The following MAP4K4 variants were observed in gnomAD, a reference collection of about 807,000 sequenced individuals.
The protein encoded by MAP4K4 is mitogen-activated protein kinase kinase kinase kinase 4.
A neutral mutation model predicts 189.6 loss-of-function variants in MAP4K4; 38 were observed. That is an observed-to-expected ratio of 0.20 (90% CI 0.15 to 0.26). The LOEUF (loss-of-function observed/expected upper bound fraction) is 0.26. MAP4K4 is among the 10% of genes least tolerant of loss of function. The pLI is 1.00. For synonymous variants in MAP4K4, 610 were observed against 624.3 expected, an observed-to-expected ratio of 0.98 and a Z score of 0.34; for missense variants, 1,054 against 1,726.9, an observed-to-expected ratio of 0.61 and a Z score of 6.91.
At chr2:101,812,929 C>A (rs1382290055) in intron 3 of MAP4K4, among the ~76,000 whole-genome samples, 1 of 152,096 alleles carries the variant, frequency 6.6e-6, no homozygotes, top group Non-Finnish European at 1.5e-5. Flanking sequence ...AGATCGAGAC[C>A]ATCCTGGCTA....
At chr2:101,824,132 G>GGGGGGGGGGGGGGGA in intron 4 of MAP4K4, 79 bp downstream of exon 4, 3 of 56,768 alleles carry the variant, frequency 5.3e-5, no homozygotes, top group South Asian at 5.2e-4. Flanking sequence ...GGGGGCGGGG[G>GGGGGGGGGGGGGGGA]AAAGAGGGGG....
chr2:101,810,554 G>C (rs1290221282), intron 3 of MAP4K4, among the ~76,000 whole-genome samples: 5 of 151,942 alleles, frequency 3.3e-5, no homozygotes, highest in Non-Finnish European at 7.4e-5. Context: ...GTTACTTACT[G>C]TATCCCTCAG....
intron 23 of MAP4K4, 61 bp downstream of exon 23, chr2:101,870,476 C>T: frequency 6.3e-7 from 1 of 1,593,228 alleles, no homozygotes. Flanking sequence ...AACCCACTTG[C>T]TCATTCACTC....
chr2:101,876,701 G>A (rs1029239434), intron 26 of MAP4K4, among the ~76,000 whole-genome samples: 2 of 152,172 alleles, frequency 1.3e-5, no homozygotes, highest in African/African-American at 2.4e-5. Flanking sequence ...TAACATTCTC[G>A]AGGAACTGAG....
At chr2:101,768,121 AAT>A (rs2079496049) in intron 2 of MAP4K4, among the ~76,000 whole-genome samples, 1 of 152,202 alleles carries the variant, frequency 6.6e-6, no homozygotes, top group African/African-American at 2.4e-5. Context: ...CCTCTCTAAG[AAT>A]ATGATTATCT....
intron 2 of MAP4K4, among the ~76,000 whole-genome samples, chr2:101,775,412 C>T (rs529492870): frequency 4.6e-5 from 7 of 151,774 alleles, no homozygotes; most frequent in Non-Finnish European, 1.0e-4. Context: ...GGTGGACTTG[C>T]CAGGAACCCT....
intron 9 of MAP4K4, among the ~76,000 whole-genome samples, 176 bp downstream of exon 9, chr2:101,836,154 T>C (rs1217765138): frequency 6.6e-6 from 1 of 152,200 alleles, no homozygotes; most frequent in Non-Finnish European, 1.5e-5. Flanking sequence ...AGATTTTTCT[T>C]GTTAAATTCT....
intron 3 of MAP4K4, among the ~76,000 whole-genome samples, chr2:101,802,645 A>G (rs541794304): frequency 2.2e-4 from 33 of 151,712 alleles, no homozygotes; most frequent in Non-Finnish European, 3.2e-4. Flanking sequence ...GCCTCTTCCT[A>G]CTCCTAAAGC....
chr2:101,813,675 A>G (rs981942166), intron 3 of MAP4K4, among the ~76,000 whole-genome samples: 3 of 152,192 alleles, frequency 2.0e-5, no homozygotes, highest in African/African-American at 4.8e-5. Context: ...TATGGGACAC[A>G]TTTTTATGAG....
At chr2:101,759,934 C>G (rs1049370406) in intron 2 of MAP4K4, among the ~76,000 whole-genome samples, 1 of 151,562 alleles carries the variant, frequency 6.6e-6, no homozygotes, top group Non-Finnish European at 1.5e-5. Flanking sequence ...GCTTGTGACT[C>G]CTGGGCCCAA....
chr2:101,755,455 C>G (rs1361630590), intron 2 of MAP4K4, among the ~76,000 whole-genome samples: 1 of 152,124 alleles, frequency 6.6e-6, no homozygotes, highest in Non-Finnish European at 1.5e-5. Flanking sequence ...AAGAAAAAAG[C>G]TTTACTGAAA....
chr2:101,828,819 A>C (rs1361360849), intron 5 of MAP4K4, among the ~76,000 whole-genome samples: 1 of 152,208 alleles, frequency 6.6e-6, no homozygotes, highest in East Asian at 1.9e-4. Flanking sequence ...CTTGGACCAT[A>C]TTTGGAGGCA....
intron 3 of MAP4K4, among the ~76,000 whole-genome samples, chr2:101,816,200 G>C (rs1021097433): frequency 2.0e-5 from 3 of 152,122 alleles, no homozygotes; most frequent in African/African-American, 7.2e-5. Flanking sequence ...AAGCGCTTTC[G>C]TATATTTTGG....
At chr2:101,844,677 A>C (rs372938655) in intron 12 of MAP4K4, among the ~76,000 whole-genome samples, 32 of 151,138 alleles carry the variant, frequency 2.1e-4, no homozygotes, top group Non-Finnish European at 3.7e-4. Flanking sequence ...TTGCTTTTCT[A>C]CTCTCAGCCT....
intron 2 of MAP4K4, among the ~76,000 whole-genome samples, chr2:101,770,073 C>T (rs914052346): frequency 4.6e-5 from 7 of 152,158 alleles, no homozygotes; most frequent in African/African-American, 1.7e-4. Flanking sequence ...GATGAGCTCA[C>T]TTCATTCATA....
intron 3 of MAP4K4, among the ~76,000 whole-genome samples, chr2:101,798,170 C>A (rs1452283038): frequency 6.6e-6 from 1 of 151,696 alleles, no homozygotes; most frequent in Admixed American, 6.6e-5. Context: ...GTCTCAGCCT[C>A]CCAAAGTGCT....
At position 101,849,597 on chromosome 2, in the gene MAP4K4, T is replaced by C. The variant is rs902373494; in HGVS notation, c.1233+5286T>C. Among the ~76,000 whole-genome samples the C allele has an allele frequency of 6.9e-5, 10 of 145,844 alleles. No individual in the cohort carries two copies. The Admixed American group carries it at 7.2e-4, about 11-fold the overall frequency. ...AAAAATGAAGCTTACTTAATTGTGGTGTCATTTTATCTCAATAGTTTTGTG... is the reference window on the plus strand; with the variant it reads ...AAAAATGAAGCTTACTTAATTGTGGCGTCATTTTATCTCAATAGTTTTGTG... On this transcript the variant is annotated intron_variant, in intron 12 of 32. Coordinates refer to ENST00000324219, the Ensembl canonical transcript of MAP4K4.
chr2:101,871,592 C>G, exon 24 of MAP4K4: 3 of 1,536,470 alleles, frequency 2.0e-6, no homozygotes, highest in Non-Finnish European at 2.6e-6. Flanking sequence ...GCCATTCCTC[C>G]TCCACTTCCT....
rs1358338387 is a variant in MAP4K4 at position 101,704,562 on chromosome 2, TATATA to T, written c.123+6025_123+6029del. Among the ~76,000 whole-genome samples the T allele has an allele frequency of 1.7e-3, 127 of 74,496 alleles. 4 individuals carry two copies. Among genetic ancestry groups the T allele is most frequent in the African/African-American group, 3.1e-3 (58 of 18,810 alleles). The allele number at this position is 74,496 out of a possible 152,430, so 48.9% of individuals were successfully genotyped here. On this transcript the variant is annotated intron_variant, in intron 2 of 32. Coordinates refer to ENST00000324219, the Ensembl canonical transcript of MAP4K4. ...GTGTGTATATATATATATATATATA[TATATA>T]TTTTTTTTTTTTTTTTTTTTTTTGA...
Sources: gnomAD v4.1 joint callset for allele counts (sites outside exome capture counted in the v4.1 genomes callset) on GRCh38, gnomAD v4.1.1 for gene constraint, MANE v1.5 for transcripts, NCBI Gene and HGNC (gene_info 2026-07-23, HGNC 2026-07-21) for gene names.